Variants in ERGIC1 observed in about 807,000 individuals in gnomAD.
ERGIC1 encodes endoplasmic reticulum-golgi intermediate compartment 1, also known as endoplasmic reticulum-Golgi intermediate compartment protein 1.
Under a neutral mutation model 38.3 loss-of-function variants are expected in ERGIC1, and 19 were observed. The ratio of observed to expected loss-of-function variants is 0.50; its 90% confidence interval spans 0.35 to 0.73. ERGIC1 has a LOEUF of 0.73. ERGIC1 is among the 30% of genes least tolerant of loss of function. The pLI is 0.01. For missense variants in ERGIC1, 294 were observed against 389.2 expected, an observed-to-expected ratio of 0.76 and a Z score of 2.06; for synonymous variants, 124 against 157.6, an observed-to-expected ratio of 0.79 and a Z score of 1.60.
intron 2 of ERGIC1, among the ~76,000 whole-genome samples, chr5:172,890,824 G>C (rs1037504056): frequency 6.9e-6 from 1 of 144,766 alleles, no homozygotes; most frequent in African/African-American, 2.7e-5. Context: ...CCGGGCAGTC[G>C]GTCATATTGG....
At chr5:172,838,772 G>T (rs373251016) in intron 1 of ERGIC1, among the ~76,000 whole-genome samples, 11 of 152,036 alleles carry the variant, frequency 7.2e-5, no homozygotes, top group African/African-American at 2.4e-4. Context: ...ATGGGACCCT[G>T]GTAGCCCCAT....
chr5:172,863,983 G>A (rs1249368641), intron 1 of ERGIC1, among the ~76,000 whole-genome samples: 2 of 152,190 alleles, frequency 1.3e-5, no homozygotes, highest in Non-Finnish European at 2.9e-5. Context: ...ATCACTTGCG[G>A]TCAGGAGGTT....
intron 1 of ERGIC1, chr5:172,867,140 G>C (rs1310033581): frequency 2.2e-6 from 1 of 452,016 alleles, no homozygotes; most frequent in Non-Finnish European, 4.5e-6. Flanking sequence ...CCAAGGGTTT[G>C]AGTTCCACCT....
chr5:172,841,399 G>A (rs1443470841), intron 1 of ERGIC1, among the ~76,000 whole-genome samples: 1 of 152,196 alleles, frequency 6.6e-6, no homozygotes, highest in Non-Finnish European at 1.5e-5. Flanking sequence ...GAAATGCTGG[G>A]AAACAGCTGG....
At chr5:172,945,285 G>A (rs1042084106) in intron 9 of ERGIC1, among the ~76,000 whole-genome samples, 6 of 152,208 alleles carry the variant, frequency 3.9e-5, no homozygotes, top group Admixed American at 3.3e-4. Context: ...CCCTGTCTGG[G>A]CCTCAGCTAC....
In ERGIC1 at chr5:172,926,377, TC is replaced by T. The variant is rs1763650957; in HGVS notation, c.481-130del. ...CCTGCTGCCTCTTGCTCCCCACAAA[TC>T]CGCTGGAGCCCCCTTTTACACATTG... On this transcript the variant is annotated intron_variant, in intron 6 of 9. Coordinates refer to ENST00000393784, the MANE Select transcript of ERGIC1 (RefSeq NM_001031711.3). The surrounding 1 kb of genome is among the most constrained non-coding windows in gnomAD (Gnocchi z 5.2). The T allele has an allele frequency of 3.3e-6, 3 of 908,590 alleles. No individual in the cohort carries two copies. The Admixed American group carries it at 6.4e-5, about 19-fold the overall frequency. The allele number at this position is 908,590 out of a possible 1,614,324, so 56.3% of individuals were successfully genotyped here.
chr5:172,920,620 C>T, intron 5 of ERGIC1: 1 of 591,298 alleles, frequency 1.7e-6, no homozygotes, highest in Admixed American at 2.8e-5. Context: ...CATGAGTCAG[C>T]CACCTGTGAT....
chr5:172,834,446 AC>A lies in ERGIC1; in HGVS notation c.20+17del, dbSNP rs1315797955. On this transcript the variant is annotated intron_variant, in intron 1 of 9. Transcript: ENST00000393784. This position sits in a 1 kb window ranked among gnomAD's most constrained non-coding sequence, Gnocchi z 4.1. The stretch of plus-strand genomic sequence containing the variant: ...TTGACTTCAGGAGGTGAGTGTGGCG[AC>A]CCCGGCCAGTCGGGAGTTCCCTCAG... 4 of 1,322,734 alleles carry A rather than the reference AC, an allele frequency of 3.0e-6. No homozygotes were observed. The highest frequency in any genetic ancestry group is 3.7e-5 in the Admixed American group (1 of 26,838). The allele number at this position is 1,322,734 out of a possible 1,614,324, so 81.9% of individuals were successfully genotyped here. A position where few individuals can be genotyped will look rare whatever the true frequency, so the allele number is the denominator to read the frequency against.
chr5:172,945,690 T>C (rs971389342), intron 9 of ERGIC1, among the ~76,000 whole-genome samples: 1 of 152,136 alleles, frequency 6.6e-6, no homozygotes, highest in Non-Finnish European at 1.5e-5. Flanking sequence ...TTTATTTTTA[T>C]GTATTTATTT....
At chr5:172,932,319 CTG>C (rs1219812533) in intron 7 of ERGIC1, 115 bp from the exon 8 acceptor site, 2 of 957,494 alleles carry the variant, frequency 2.1e-6, no homozygotes, top group Non-Finnish European at 1.6e-6. Context: ...GGTGGTAAAA[CTG>C]GGGAATGAGC....
In ERGIC1 at chr5:172,887,163, C is replaced by T. The variant is rs1015563239; in HGVS notation, c.21-1536C>T. On this transcript the variant is annotated intron_variant, in intron 1 of 9. Coordinates refer to ENST00000393784, the MANE Select transcript of ERGIC1 (RefSeq NM_001031711.3). ...ACGCAAGGTTTCCAAGGCATTGCGT[C>T]GGGTTTAGCTGGGCATACTCTTGTT... Among the ~76,000 whole-genome samples the T allele has an allele frequency of 8.5e-5, 13 of 152,290 alleles. 1 individual carries two copies. Among genetic ancestry groups the T allele is most frequent in the Middle Eastern group, 3.4e-3 (1 of 294 alleles).
chr5:172,888,588 G>A, intron 1 of ERGIC1, 111 bp from the exon 2 acceptor site: 1 of 874,258 alleles, frequency 1.1e-6, no homozygotes, highest in Non-Finnish European at 1.9e-6. Flanking sequence ...AAAACTGTGG[G>A]AAGAACCATG....
chr5:172,880,957 G>A (rs1359270014), intron 1 of ERGIC1, among the ~76,000 whole-genome samples: 1 of 152,218 alleles, frequency 6.6e-6, no homozygotes, highest in Non-Finnish European at 1.5e-5. Flanking sequence ...TTTTTAAAAA[G>A]TGAAAATGTG....
intron 1 of ERGIC1, among the ~76,000 whole-genome samples, chr5:172,851,214 A>T (rs571615338): frequency 1.1e-4 from 16 of 150,498 alleles, no homozygotes; most frequent in South Asian, 8.4e-4. Flanking sequence ...AAAAAAAAAA[A>T]AAAAAATTAA....
chr5:172,932,488 CAA>C lies in ERGIC1; in HGVS notation c.595_596del (p.Lys199GlufsTer80). The C allele has an allele frequency of 6.2e-7, 1 of 1,614,206 alleles. No individual in the cohort carries two copies. The highest frequency in any genetic ancestry group is 8.5e-7 in the Non-Finnish European group (1 of 1,180,044). On this transcript the variant is annotated frameshift_variant, in exon 8 of 10. Transcript: ENST00000393784. LOFTEE classifies it high-confidence loss of function. ...AGATTGTGCCCACGGTTTATGAGGA[CAA>C]GAGTGGCAAGCAGCGGTACTCCTAC... ...LKIVPTVYEDKSGKQRYSYQY... is the reference protein window; with the variant it reads ...LKIVPTVYEDXSGKQRYSYQY...
At chr5:172,928,859 C>T (rs1412323136) in intron 7 of ERGIC1, among the ~76,000 whole-genome samples, 7 of 152,144 alleles carry the variant, frequency 4.6e-5, no homozygotes, top group African/African-American at 1.4e-4. Flanking sequence ...GGGAAGAATC[C>T]TCTCCACCTT....
rs1022549753 is a variant in ERGIC1 at position 172,850,646 on chromosome 5, A to G, written c.20+16213A>G. On this transcript the variant is annotated intron_variant, in intron 1 of 9. Transcript: ENST00000393784. ...AGTCTGTTTTCTGCTACAAATGGGGATACAACCCTGACCCCAAGCAGCTGC... is the reference window on the plus strand; with the variant it reads ...AGTCTGTTTTCTGCTACAAATGGGGGTACAACCCTGACCCCAAGCAGCTGC... Among the ~76,000 whole-genome samples, 6 of 152,144 alleles carry G rather than the reference A, an allele frequency of 3.9e-5. No homozygotes were observed. In the Middle Eastern group the frequency reaches 0.01, roughly 259 times the overall value.
chr5:172,858,031 A>G (rs1233747322), intron 1 of ERGIC1, among the ~76,000 whole-genome samples: 1 of 152,204 alleles, frequency 6.6e-6, no homozygotes, highest in Non-Finnish European at 1.5e-5. Context: ...TTAAATGTAT[A>G]ATTCTCAGTT....
intron 9 of ERGIC1, among the ~76,000 whole-genome samples, chr5:172,946,974 A>T (rs1385876061): frequency 6.6e-6 from 1 of 151,896 alleles, no homozygotes; most frequent in Non-Finnish European, 1.5e-5. Context: ...ACTTGAGGTC[A>T]GGGGTTCGAG....
Sources: allele counts gnomAD v4.1 joint callset (sites outside exome capture counted in the v4.1 genomes callset), GRCh38; gene constraint gnomAD v4.1.1; non-coding constraint Gnocchi (gnomAD v3.1); transcripts MANE v1.5; gene names NCBI Gene and HGNC (gene_info 2026-07-23, HGNC 2026-07-21).